The following CSRNP3 variants were observed in gnomAD, a reference collection of about 807,000 sequenced individuals.
The protein encoded by CSRNP3 is cysteine/serine-rich nuclear protein 3.
Under a neutral mutation model 48.0 loss-of-function variants are expected in CSRNP3, and 12 were observed. The observed-to-expected ratio is 0.25, with a 90% CI of 0.16 to 0.41. The LOEUF (loss-of-function observed/expected upper bound fraction) is 0.41. Among genes scored for constraint, CSRNP3 ranks in the 10% least tolerant of loss-of-function variants. CSRNP3 has a pLI of 1.00. For missense variants in CSRNP3, 580 were observed against 724.4 expected (o/e 0.80, Z 2.29); for synonymous variants, 263 against 269.7 (o/e 0.98, Z 0.24).
chr2:165,545,865 A>G (rs1230345840), intron 3 of CSRNP3, among the ~76,000 whole-genome samples: 1 of 152,236 alleles, frequency 6.6e-6, no homozygotes, highest in Non-Finnish European at 1.5e-5. Context: ...GGAAAATACA[A>G]TTAGTCATTT....
intron 6 of CSRNP3, among the ~76,000 whole-genome samples, chr2:165,676,893 T>C (rs984313442): frequency 2.0e-5 from 3 of 152,206 alleles, no homozygotes; most frequent in African/African-American, 7.2e-5. Flanking sequence ...GATTCTTGTA[T>C]TATATCACCT....
chr2:165,600,368 AT>A (rs1685894391), intron 4 of CSRNP3, among the ~76,000 whole-genome samples: 1 of 151,562 alleles, frequency 6.6e-6, no homozygotes, highest in South Asian at 2.1e-4. Flanking sequence ...AGTCTTTGCT[AT>A]TGTGAATAGT....
intron 3 of CSRNP3, among the ~76,000 whole-genome samples, chr2:165,579,781 G>A (rs528781379): frequency 3.9e-5 from 6 of 152,124 alleles, no homozygotes; most frequent in Admixed American, 2.0e-4. Context: ...TAGTCGCAAC[G>A]TTTTCCAAAA....
rs200679499 is a variant in CSRNP3 at position 165,657,227 on chromosome 2, TC to T, written c.149-532del. Among the ~76,000 whole-genome samples the T allele has an allele frequency of 1.6e-4, 25 of 152,326 alleles. No individual in the cohort carries two copies. In the East Asian group the frequency reaches 4.6e-3, roughly 28 times the overall value. On this transcript the variant is annotated intron_variant, in intron 4 of 6. Transcript: ENST00000651982. The stretch of plus-strand genomic sequence containing the variant: ...TATCCCAGTGCTTATGTTCAAGGAA[TC>T]CTTATTTTACCTAATAATGGCCCCA...
At chr2:165,484,220 G>A (rs961024804) in intron 1 of CSRNP3, among the ~76,000 whole-genome samples, 2 of 152,048 alleles carry the variant, frequency 1.3e-5, no homozygotes, top group African/African-American at 4.8e-5. Flanking sequence ...AGCCTCCCAA[G>A]TAGCTGGTGT....
intron 4 of CSRNP3, among the ~76,000 whole-genome samples, chr2:165,647,641 T>C (rs1322434977): frequency 1.3e-5 from 2 of 152,190 alleles, no homozygotes; most frequent in Non-Finnish European, 2.9e-5. Context: ...TGGACTTACA[T>C]TTTTTGATTT....
At chr2:165,607,002 A>G (rs1396508751) in intron 4 of CSRNP3, among the ~76,000 whole-genome samples, 2 of 152,174 alleles carry the variant, frequency 1.3e-5, no homozygotes, top group Admixed American at 6.5e-5. Flanking sequence ...AAATAAATAT[A>G]GCAAAATATT....
chr2:165,493,087 A>G (rs4589774), intron 1 of CSRNP3, among the ~76,000 whole-genome samples: 2,404 of 152,130 alleles, frequency 0.016, 59 homozygotes, highest in African/African-American at 0.054. Context: ...AGAGGAAGCC[A>G]GTCAGCAGAA....
At chr2:165,565,023 G>GA (rs1203977202) in intron 3 of CSRNP3, among the ~76,000 whole-genome samples, 2 of 151,972 alleles carry the variant, frequency 1.3e-5, no homozygotes. Flanking sequence ...GAGTGACTGG[G>GA]AAACAGTAGC....
intron 3 of CSRNP3, among the ~76,000 whole-genome samples, chr2:165,558,288 A>C (rs1354869688): frequency 6.6e-6 from 1 of 152,180 alleles, no homozygotes; most frequent in African/African-American, 2.4e-5. Flanking sequence ...CTGGTGTCTT[A>C]TACCTGCTCA....
rs1286069256 is a variant in CSRNP3, at chr2:165,595,119, C to T, written c.54C>T (p.Cys18=). The part of the protein sequence containing the change: ...KFEEVDGSSP[C]SSVRESDDEV... ...AAGAAGTTGACGGCTCCTCACCCTG[C>T]TCCTCTGTGAGGGAATCAGATGATG... is the stretch of plus-strand genomic sequence containing the variant. Residue 18 remains cysteine, a synonymous_variant, in exon 4 of 7, where the codon TGC becomes TGT. Coordinates refer to ENST00000651982, the MANE Select transcript of CSRNP3 (RefSeq NM_001172173.2). 2 of 1,613,924 alleles carry T rather than the reference C, an allele frequency of 1.2e-6. No homozygotes were observed. The highest frequency in any genetic ancestry group is 1.7e-6 in the Non-Finnish European group (2 of 1,179,792).
chr2:165,606,109 A>G (rs1686006045), intron 4 of CSRNP3, among the ~76,000 whole-genome samples: 1 of 152,034 alleles, frequency 6.6e-6, no homozygotes, highest in South Asian at 2.1e-4. Context: ...AAAAATCTAA[A>G]TATTTTTTAA....
At chr2:165,677,315 C>A (rs1044918876) in intron 6 of CSRNP3, among the ~76,000 whole-genome samples, 1 of 152,200 alleles carries the variant, frequency 6.6e-6, no homozygotes, top group African/African-American at 2.4e-5. Flanking sequence ...GTGGTTGCCA[C>A]AGAGCCCATA....
At chr2:165,609,826 A>G (rs1686105941) in intron 4 of CSRNP3, among the ~76,000 whole-genome samples, 1 of 152,194 alleles carries the variant, frequency 6.6e-6, no homozygotes, top group African/African-American at 2.4e-5. Flanking sequence ...TCGAGAAGAG[A>G]GATGCAAATA....
chr2:165,628,662 T>C (rs1686480494), intron 4 of CSRNP3, among the ~76,000 whole-genome samples: 1 of 152,064 alleles, frequency 6.6e-6, no homozygotes, highest in South Asian at 2.1e-4. Context: ...AGGCGGAGGT[T>C]GCAGTGAGGC....
intron 3 of CSRNP3, among the ~76,000 whole-genome samples, chr2:165,593,076 C>G (rs1558943924): frequency 6.6e-6 from 1 of 152,112 alleles, no homozygotes; most frequent in Non-Finnish European, 1.5e-5. Context: ...GCTGGGATTA[C>G]AGGCGTGAGC....
chr2:165,564,751 A>G (rs1558935765), intron 3 of CSRNP3, among the ~76,000 whole-genome samples: 1 of 152,092 alleles, frequency 6.6e-6, no homozygotes, highest in Non-Finnish European at 1.5e-5. Context: ...CCTACTATAT[A>G]TAGGAAATAT....
At chr2:165,551,781 A>C (rs1457729999) in intron 3 of CSRNP3, among the ~76,000 whole-genome samples, 1 of 152,144 alleles carries the variant, frequency 6.6e-6, no homozygotes, top group Non-Finnish European at 1.5e-5. Context: ...AGAATATACG[A>C]ATTATTAAAA....
In CSRNP3 at chr2:165,638,540, A is replaced by T. The variant is rs113539289; in HGVS notation, c.149-19221A>T. The stretch of plus-strand genomic sequence containing the variant: ...CTATATTTAGAACTATTTATTTTAT[A>T]TTTTTTAAAAGATGAAGATGCTTTC... On this transcript the variant is annotated intron_variant, in intron 4 of 6. Transcript: ENST00000651982. Among the ~76,000 whole-genome samples the T allele has an allele frequency of 8.3e-3, 1,264 of 152,154 alleles. 19 individuals are homozygous for T. Among genetic ancestry groups the T allele is most frequent in the African/African-American group, 0.028 (1,156 of 41,532 alleles).
Sources: gnomAD v4.1 joint callset for allele counts (sites outside exome capture counted in the v4.1 genomes callset) on GRCh38, gnomAD v4.1.1 for gene constraint, MANE v1.5 for transcripts, NCBI Gene and HGNC (gene_info 2026-07-23, HGNC 2026-07-21) for gene names.